ANKRD45: variants seen among roughly 807,000 people sequenced by gnomAD.
ANKRD45 encodes the protein ankyrin repeat domain 45.
In ANKRD45, 21 loss-of-function variants were observed where a neutral mutation model predicts 28.1. That is an observed-to-expected ratio of 0.75 (90% CI 0.53 to 1.08). ANKRD45 has a LOEUF of 1.08. ANKRD45 is among the 50% of genes least tolerant of loss of function. The pLI is 0.00. For synonymous variants in ANKRD45, 86 were observed against 103.9 expected, an observed-to-expected ratio of 0.83 and a Z score of 1.05; for missense variants, 261 against 308.7, an observed-to-expected ratio of 0.85 and a Z score of 1.16.
the ANKRD45 span, among the ~76,000 whole-genome samples, chr1:173,683,190 G>A: frequency 6.6e-6 from 1 of 152,054 alleles, no homozygotes; most frequent in African/African-American, 2.4e-5. Flanking sequence ...GCACTCTAAT[G>A]GTAAGGTGAA....
chr1:173,685,903 C>T, the ANKRD45 span, among the ~76,000 whole-genome samples: 15 of 151,964 alleles, frequency 9.9e-5, no homozygotes, highest in African/African-American at 3.4e-4. Context: ...TGACAGTTAG[C>T]GGGGGAGGGC....
At chr1:173,649,822 G>A in intron 2 of ANKRD45, among the ~76,000 whole-genome samples, 1 of 152,062 alleles carries the variant, frequency 6.6e-6, no homozygotes, top group East Asian at 1.9e-4. Flanking sequence ...ATGGTACAAA[G>A]TAGGTATATA....
chr1:173,663,159 C>A (rs1381838743), intron 1 of ANKRD45, among the ~76,000 whole-genome samples: 1 of 151,988 alleles, frequency 6.6e-6, no homozygotes, highest in Non-Finnish European at 1.5e-5. Context: ...ACTTCCCACA[C>A]CGGAAGACTA....
chr1:173,615,831 C>G (rs978404022), intron 5 of ANKRD45, among the ~76,000 whole-genome samples: 11 of 152,104 alleles, frequency 7.2e-5, no homozygotes, highest in Non-Finnish European at 1.2e-4. Context: ...GGGCCGGGCA[C>G]GGTGGCTCAC....
chr1:173,616,987 G>C (rs1051346411), intron 5 of ANKRD45, among the ~76,000 whole-genome samples: 5 of 152,084 alleles, frequency 3.3e-5, no homozygotes, highest in Admixed American at 2.6e-4. Context: ...CACTCACAAT[G>C]TACGTGTGGC....
chr1:173,701,675 C>G, the ANKRD45 span, among the ~76,000 whole-genome samples: 1 of 151,944 alleles, frequency 6.6e-6, no homozygotes, highest in African/African-American at 2.4e-5. Context: ...GTCGTGAGGT[C>G]GGGAGATGGG....
intron 3 of ANKRD45, among the ~76,000 whole-genome samples, chr1:173,630,844 A>G (rs1448694310): frequency 2.6e-4 from 35 of 134,480 alleles, no homozygotes; most frequent in Admixed American, 6.5e-4. Context: ...AAAAAAAAAA[A>G]AGAGAGAGAG....
At chr1:173,696,821 G>T in the ANKRD45 span, among the ~76,000 whole-genome samples, 2 of 152,014 alleles carry the variant, frequency 1.3e-5, no homozygotes, top group Non-Finnish European at 2.9e-5. Flanking sequence ...TGACTTTGAT[G>T]AGTTGACAGA....
At chr1:173,636,937 C>T (rs1668472555) in intron 3 of ANKRD45, 1 of 1,535,562 alleles carries the variant, frequency 6.5e-7, no homozygotes, top group Non-Finnish European at 8.7e-7. Flanking sequence ...CAGTGATATA[C>T]AAGATCTGGG....
chr1:173,619,508 G>A (rs1402339855), intron 5 of ANKRD45, among the ~76,000 whole-genome samples: 2 of 152,144 alleles, frequency 1.3e-5, no homozygotes, highest in South Asian at 4.2e-4. Flanking sequence ...TGACAAAACA[G>A]ACTTTAAACC....
intron 5 of ANKRD45, among the ~76,000 whole-genome samples, chr1:173,617,136 G>A (rs955714452): frequency 4.6e-5 from 7 of 152,102 alleles, no homozygotes; most frequent in Admixed American, 4.6e-4. Context: ...TGGAGTCTTG[G>A]CAAAGCAGAT....
rs1040895887 is a variant in ANKRD45, at chr1:173,615,582, T to G, written c.731-5367A>C. Among the ~76,000 whole-genome samples the G allele has an allele frequency of 6.6e-5, 10 of 152,030 alleles. No individual in the cohort carries two copies. In the East Asian group the frequency reaches 1.9e-3, roughly 29 times the overall value. ...ACAATAAAATTAAATAAGGTGACTTTAAATAGAAAAAAAAGACAATGACAA... is the reference window on the plus strand; with the variant it reads ...ACAATAAAATTAAATAAGGTGACTTGAAATAGAAAAAAAAGACAATGACAA... On this transcript the variant is annotated intron_variant, in intron 5 of 5. Coordinates refer to ENST00000333279, the MANE Select transcript of ANKRD45 (RefSeq NM_198493.3).
At chr1:173,612,707 C>T (rs1667221496) in intron 5 of ANKRD45, 1 of 158,142 alleles carries the variant, frequency 6.3e-6, no homozygotes, top group African/African-American at 2.4e-5. Flanking sequence ...TCTTCTGCCT[C>T]AGCCTGCCGA....
At position 173,610,189 on chromosome 1, in the gene ANKRD45, T is replaced by C. The variant is rs1558111617; in HGVS notation, c.757A>G (p.Thr253Ala). Residue 253 changes from threonine to alanine, a missense_variant, in exon 6 of 6, where the codon ACA becomes GCA. Coordinates refer to ENST00000333279, the MANE Select transcript of ANKRD45 (RefSeq NM_198493.3). The stretch of plus-strand genomic sequence containing the variant: ...TGACTTCTCTTCTGGTCATGGCTTG[T>C]TACAGATTTGGCACTTTTCACTTGA... ...PCQVKSAKSV[T>A]SHDQKRSQDD... 1 of 1,614,192 alleles carries C rather than the reference T, an allele frequency of 6.2e-7. No homozygotes were observed. The highest frequency in any genetic ancestry group is 1.3e-5 in the African/African-American group (1 of 75,066).
At chr1:173,613,803 C>G (rs544095591) in intron 5 of ANKRD45, among the ~76,000 whole-genome samples, 1 of 152,076 alleles carries the variant, frequency 6.6e-6, no homozygotes, top group African/African-American at 2.4e-5. Context: ...GCCATGATGA[C>G]GATGGCGGTT....
intron 2 of ANKRD45, among the ~76,000 whole-genome samples, chr1:173,654,553 G>A (rs1036912405): frequency 6.6e-6 from 1 of 152,176 alleles, no homozygotes; most frequent in Non-Finnish European, 1.5e-5. Flanking sequence ...TTCAACCTTG[G>A]TGAATCTGAC....
At chr1:173,687,463 CCA>C in the ANKRD45 span, among the ~76,000 whole-genome samples, 1 of 109,208 alleles carries the variant, frequency 9.2e-6, no homozygotes, top group African/African-American at 3.2e-5. Context: ...TACCCCCCCC[CCA>C]CCCCTTTTTT....
At chr1:173,714,859 G>A in the ANKRD45 span, 1 of 152,256 alleles carries the variant, frequency 6.6e-6, no homozygotes, top group African/African-American at 2.4e-5. Context: ...ACTACTTCCG[G>A]AGCCGCACCG....
At chr1:173,713,471 C>G in the ANKRD45 span, among the ~76,000 whole-genome samples, 1 of 144,010 alleles carries the variant, frequency 6.9e-6, no homozygotes, top group Non-Finnish European at 1.5e-5. Context: ...CACCAGACAA[C>G]GGGGATAGAT....
Sources: allele counts gnomAD v4.1 joint callset (sites outside exome capture counted in the v4.1 genomes callset), GRCh38; gene constraint gnomAD v4.1.1; transcripts MANE v1.5; gene names NCBI Gene and HGNC (gene_info 2026-07-23, HGNC 2026-07-21).